Variants in SLIT3 observed in about 807,000 individuals in gnomAD.
The protein encoded by SLIT3 is slit guidance ligand 3.
In SLIT3, 68 loss-of-function variants were observed where a neutral mutation model predicts 184.0. The observed-to-expected ratio is 0.37, with a 90% CI of 0.30 to 0.45. SLIT3 has a LOEUF of 0.45. SLIT3 is among the 20% of genes least tolerant of loss of function. The pLI is 1.00. For synonymous variants in SLIT3, 831 were observed against 828.6 expected, an observed-to-expected ratio of 1.00 and a Z score of -0.05; for missense variants, 1,707 against 2,026.0, an observed-to-expected ratio of 0.84 and a Z score of 3.02.
chr5:168,797,849 C>A (rs1756620786), intron 9 of SLIT3, among the ~76,000 whole-genome samples: 2 of 152,104 alleles, frequency 1.3e-5, no homozygotes, highest in African/African-American at 4.8e-5. Flanking sequence ...CAGGAACGGG[C>A]AGAACTGATA....
At chr5:168,668,502 G>T (rs968396230) in intron 35 of SLIT3, among the ~76,000 whole-genome samples, 2 of 152,212 alleles carry the variant, frequency 1.3e-5, no homozygotes, top group Admixed American at 6.5e-5. Flanking sequence ...TCTCCCTGCA[G>T]AGGTCCACTG....
intron 1 of SLIT3, among the ~76,000 whole-genome samples, chr5:169,261,746 C>T (rs1231618135): frequency 6.6e-6 from 1 of 152,190 alleles, no homozygotes; most frequent in Non-Finnish European, 1.5e-5. Context: ...ACACCTTCCC[C>T]TCTCCTTGAG....
chr5:168,948,424 T>G (rs1762555246), intron 4 of SLIT3, among the ~76,000 whole-genome samples: 1 of 152,138 alleles, frequency 6.6e-6, no homozygotes, highest in Non-Finnish European at 1.5e-5. Context: ...AGCCGGAGCC[T>G]GAGGGGGCTG....
At chr5:168,848,867 A>C (rs1403788926) in intron 5 of SLIT3, among the ~76,000 whole-genome samples, 1 of 152,250 alleles carries the variant, frequency 6.6e-6, no homozygotes, top group East Asian at 1.9e-4. Context: ...ATCACAGTTC[A>C]TCTCTTTCAA....
chr5:168,693,050 T>C (rs1481312213), intron 28 of SLIT3, among the ~76,000 whole-genome samples: 1 of 152,210 alleles, frequency 6.6e-6, no homozygotes, highest in Non-Finnish European at 1.5e-5. Flanking sequence ...TCATTTGTTT[T>C]TTCATTCCAC....
intron 3 of SLIT3, among the ~76,000 whole-genome samples, chr5:169,226,349 CT>C (rs796313655): frequency 1.1e-4 from 16 of 152,212 alleles, no homozygotes; most frequent in African/African-American, 3.9e-4. Context: ...TTTTCTTCCC[CT>C]GACCCTTCCC....
rs542100722 is a variant in SLIT3 at position 168,705,595 on chromosome 5, G to T, written c.2844+2381C>A. Among the ~76,000 whole-genome samples, 5 of 152,130 alleles carry T rather than the reference G, an allele frequency of 3.3e-5. 1 individual carries two copies. The highest frequency in any genetic ancestry group is 9.6e-5 in the African/African-American group (4 of 41,492). On this transcript the variant is annotated intron_variant, in intron 26 of 35. Transcript: ENST00000519560. Reference sequence around the variant, plus strand: ...CATCAACATCATGCACCCTAGACCTGCCTGGGCTCAACACTTTCCTCAAGA... The same window carrying T: ...CATCAACATCATGCACCCTAGACCTTCCTGGGCTCAACACTTTCCTCAAGA...
chr5:168,699,553 G>A (rs551335311), intron 27 of SLIT3, among the ~76,000 whole-genome samples: 78 of 152,306 alleles, frequency 5.1e-4, no homozygotes, highest in African/African-American at 1.7e-3. Context: ...GAGGTTGGGT[G>A]GAAGCCAATC....
At chr5:168,680,665 C>T (rs1349743104) in intron 32 of SLIT3, among the ~76,000 whole-genome samples, 2 of 152,122 alleles carry the variant, frequency 1.3e-5, no homozygotes, top group African/African-American at 2.4e-5. Flanking sequence ...GGCCTCCTGG[C>T]CCCCTCGGCT....
intron 1 of SLIT3, among the ~76,000 whole-genome samples, chr5:169,298,114 G>C (rs774548747): frequency 1.6e-4 from 25 of 152,138 alleles, no homozygotes; most frequent in Non-Finnish European, 2.4e-4. Context: ...ACCTGACCCA[G>C]CTTGCTCCTA....
intron 4 of SLIT3, among the ~76,000 whole-genome samples, chr5:169,115,116 C>T (rs1039031541): frequency 6.6e-5 from 10 of 152,180 alleles, no homozygotes; most frequent in Non-Finnish European, 1.2e-4. Context: ...CCAACTCAGC[C>T]ACTTGAAGGG....
At chr5:169,143,140 A>T (rs1235720248) in intron 4 of SLIT3, among the ~76,000 whole-genome samples, 1 of 152,226 alleles carries the variant, frequency 6.6e-6, no homozygotes, top group East Asian at 1.9e-4. Context: ...TTCAGCTGAA[A>T]AGCAGATTAT....
At chr5:168,991,498 T>A (rs902789801) in intron 4 of SLIT3, among the ~76,000 whole-genome samples, 1 of 152,058 alleles carries the variant, frequency 6.6e-6, no homozygotes, top group Non-Finnish European at 1.5e-5. Flanking sequence ...CTGGGCTGAG[T>A]CACAGGCATC....
chr5:168,933,411 A>G (rs1762057464), intron 4 of SLIT3, among the ~76,000 whole-genome samples: 1 of 152,156 alleles, frequency 6.6e-6, no homozygotes, highest in South Asian at 2.1e-4. Context: ...GCATGGTGGT[A>G]TGCACCTGTA....
At chr5:168,695,966 A>G (rs1236210493) in intron 28 of SLIT3, among the ~76,000 whole-genome samples, 6 of 152,214 alleles carry the variant, frequency 3.9e-5, no homozygotes, top group Non-Finnish European at 8.8e-5. Context: ...CATAAACACA[A>G]TGCAAGCGCC....
In SLIT3 at chr5:168,696,323, G is replaced by A; in HGVS notation, c.3051C>T (p.Asn1017=). 1.2e-6 allele frequency: 2 copies of A among 1,614,214 alleles called. No individual in the cohort carries two copies. Among genetic ancestry groups the A allele is most frequent in the Non-Finnish European group, 1.7e-6 (2 of 1,180,034 alleles). Residue 1017 remains asparagine (N), a synonymous_variant, in exon 28 of 36, where the codon AAC becomes AAT. Coordinates refer to ENST00000519560, the MANE Select transcript of SLIT3 (RefSeq NM_003062.4). ...AGTTAGGCGGACAGATACACACGTA[G>A]TTGTTGATCCCGTCCACGCAGGTGG... ...NNATCVDGIN[N]YVCICPPNYT...
chr5:168,741,453 T>C (rs1051297998), intron 20 of SLIT3, among the ~76,000 whole-genome samples: 2 of 121,584 alleles, frequency 1.6e-5, no homozygotes, highest in Admixed American at 1.1e-4. Context: ...CACTCCAGCC[T>C]GGGCGACAGA....
chr5:169,208,756 C>CT (rs548384129), intron 3 of SLIT3, among the ~76,000 whole-genome samples: 52 of 152,294 alleles, frequency 3.4e-4, no homozygotes, highest in African/African-American at 1.2e-3. Context: ...AACTGGACCC[C>CT]TTCCTTATAC....
chr5:168,765,929 G>C (rs1273206977), intron 14 of SLIT3, among the ~76,000 whole-genome samples: 1 of 152,070 alleles, frequency 6.6e-6, no homozygotes, highest in African/African-American at 2.4e-5. Context: ...ATAGACGGGG[G>C]GGTGGGGGTA....
Sources: allele counts gnomAD v4.1 joint callset (sites outside exome capture counted in the v4.1 genomes callset), GRCh38; gene constraint gnomAD v4.1.1; transcripts MANE v1.5; gene names NCBI Gene and HGNC (gene_info 2026-07-23, HGNC 2026-07-21).